The following CMSS1 variants were observed in gnomAD, a reference collection of about 807,000 sequenced individuals.
The protein encoded by CMSS1 is cms1 ribosomal small subunit homolog, also known as protein CMSS1.
Under a neutral mutation model 43.5 loss-of-function variants are expected in CMSS1, and 33 were observed. The ratio of observed to expected loss-of-function variants is 0.76; its 90% CI spans 0.57 to 1.01. CMSS1 has a LOEUF of 1.01. CMSS1 is among the 50% of genes least tolerant of loss of function. CMSS1 has a pLI of 0.00. For synonymous variants in CMSS1, 115 were observed against 117.2 expected (o/e 0.98, Z 0.12); for missense variants, 313 against 326.4 (o/e 0.96, Z 0.32).
intron 1 of CMSS1, among the ~76,000 whole-genome samples, chr3:99,985,133 T>C (rs914582631): frequency 1.3e-5 from 2 of 152,162 alleles, no homozygotes; most frequent in Non-Finnish European, 2.9e-5. Flanking sequence ...GTTCAAAAGT[T>C]AATTGGAGTA....
chr3:99,858,444 G>A lies in CMSS1; in HGVS notation c.64+40401G>A, dbSNP rs553119241. Among the ~76,000 whole-genome samples the A allele has an allele frequency of 4.5e-4, 69 of 152,100 alleles. 1 individual carries two copies. In the Middle Eastern group the frequency reaches 0.01, roughly 22 times the overall value. On this transcript the variant is annotated intron_variant, in intron 1 of 9. Transcript: ENST00000421999. ...CACACCACTGCACTCCAGCCTGGGC[G>A]ACACAGCAAGACTCTGTCTCAAAAA...
chr3:100,125,045 C>A (rs1408644480), intron 1 of CMSS1, among the ~76,000 whole-genome samples: 2 of 152,134 alleles, frequency 1.3e-5, no homozygotes, highest in African/African-American at 4.8e-5. Flanking sequence ...ATTCCAATAT[C>A]TCCATTCGGC....
intron 1 of CMSS1, among the ~76,000 whole-genome samples, chr3:100,091,306 A>G (rs1038047486): frequency 3.3e-5 from 5 of 152,116 alleles, no homozygotes; most frequent in African/African-American, 1.2e-4. Flanking sequence ...AAAAAAAGAA[A>G]AAAGAAACCC....
chr3:100,166,208 A>G (rs2067064370), intron 4 of CMSS1, 127 bp from the exon 5 acceptor site: 1 of 611,010 alleles, frequency 1.6e-6, no homozygotes, highest in African/African-American at 1.8e-5. Flanking sequence ...ACTTTAAGAT[A>G]TAAAATGGGC....
intron 1 of CMSS1, among the ~76,000 whole-genome samples, chr3:100,064,978 A>T (rs2065639430): frequency 2.0e-5 from 3 of 152,230 alleles, no homozygotes; most frequent in Admixed American, 6.5e-5. Flanking sequence ...ACACACATAC[A>T]CATGTGTGTG....
rs145931865 is a variant in CMSS1 at position 100,002,924 on chromosome 3, T to G, written c.65-144049T>G. 3.0e-3 allele frequency among the ~76,000 whole-genome samples: 459 copies of G among 152,334 alleles called. 2 individuals carry two copies. The highest frequency in any genetic ancestry group is 0.01 in the African/African-American group (424 of 41,576). On this transcript the variant is annotated intron_variant, in intron 1 of 9. Transcript: ENST00000421999. The stretch of plus-strand genomic sequence containing the variant: ...GTGTATGTTCTGAAGCTCTCTCTGC[T>G]GTCTGCAAATCAGACATTCTTGCTG...
At chr3:100,118,212 C>T (rs2066591944) in intron 1 of CMSS1, among the ~76,000 whole-genome samples, 1 of 151,436 alleles carries the variant, frequency 6.6e-6, no homozygotes, top group African/African-American at 2.4e-5. Context: ...CTGAGTTGCA[C>T]ACATGAAAAG....
chr3:100,149,655 C>T (rs1267439877), intron 2 of CMSS1, among the ~76,000 whole-genome samples: 1 of 152,176 alleles, frequency 6.6e-6, no homozygotes, highest in Non-Finnish European at 1.5e-5. Flanking sequence ...GCATGTGCTC[C>T]TCTGCCTCAT....
intron 1 of CMSS1, among the ~76,000 whole-genome samples, chr3:100,001,927 G>A (rs1369715441): frequency 6.6e-6 from 1 of 152,106 alleles, no homozygotes; most frequent in Non-Finnish European, 1.5e-5. Context: ...CGCCTATGAG[G>A]GAAGCACAAT....
intron 1 of CMSS1, among the ~76,000 whole-genome samples, chr3:100,118,435 G>T (rs963067481): frequency 6.6e-6 from 1 of 152,068 alleles, no homozygotes; most frequent in African/African-American, 2.4e-5. Flanking sequence ...CTCCTGATCA[G>T]TCAGCTTTGA....
chr3:99,827,492 A>G (rs1376377397), intron 1 of CMSS1, among the ~76,000 whole-genome samples: 7 of 151,604 alleles, frequency 4.6e-5, no homozygotes, highest in Admixed American at 2.0e-4. Flanking sequence ...GCACCCGGCA[A>G]ATGTAACTTT....
intron 1 of CMSS1, among the ~76,000 whole-genome samples, chr3:100,014,884 TTTCTTTC>T: frequency 8.0e-6 from 1 of 125,640 alleles, no homozygotes; most frequent in African/African-American, 2.8e-5. Context: ...CTTTTTTTTT[TTTCTTTC>T]TTTCTTTTTT....
chr3:100,009,131 A>G (rs532706317), intron 1 of CMSS1, among the ~76,000 whole-genome samples: 1 of 152,202 alleles, frequency 6.6e-6, no homozygotes, highest in Non-Finnish European at 1.5e-5. Flanking sequence ...CCGAATGAGA[A>G]TTCAAATTGA....
At chr3:100,073,778 A>T (rs1387567310) in intron 1 of CMSS1, among the ~76,000 whole-genome samples, 1 of 152,154 alleles carries the variant, frequency 6.6e-6, no homozygotes, top group African/African-American at 2.4e-5. Context: ...CTCCTGTTTG[A>T]TTCCTCTGTG....
At chr3:100,142,312 ATG>A (rs1215672321) in intron 1 of CMSS1, among the ~76,000 whole-genome samples, 2 of 152,168 alleles carry the variant, frequency 1.3e-5, no homozygotes, top group Non-Finnish European at 2.9e-5. Flanking sequence ...TTGAAAAAAA[ATG>A]TGTCTTTACT....
intron 1 of CMSS1, among the ~76,000 whole-genome samples, chr3:99,832,533 C>T (rs1284640853): frequency 8.8e-6 from 1 of 113,640 alleles, no homozygotes; most frequent in Non-Finnish European, 1.8e-5. Context: ...CCCAGCCATT[C>T]CCAAATCTTT....
At chr3:100,031,289 C>G (rs2065017586) in intron 1 of CMSS1, among the ~76,000 whole-genome samples, 1 of 152,046 alleles carries the variant, frequency 6.6e-6, no homozygotes, top group South Asian at 2.1e-4. Context: ...ACAATGGAGG[C>G]CTATCTCCAT....
At chr3:99,957,112 T>G (rs1373660468) in intron 1 of CMSS1, among the ~76,000 whole-genome samples, 4 of 152,226 alleles carry the variant, frequency 2.6e-5, no homozygotes, top group Non-Finnish European at 5.9e-5. Flanking sequence ...GTGTTTATGT[T>G]TGTACATTTA....
intron 1 of CMSS1, among the ~76,000 whole-genome samples, chr3:99,965,195 G>A (rs563461319): frequency 6.6e-6 from 1 of 152,230 alleles, no homozygotes; most frequent in Non-Finnish European, 1.5e-5. Flanking sequence ...TGAGGGATAT[G>A]TGCTTAAATT....
Sources: allele counts gnomAD v4.1 joint callset (sites outside exome capture counted in the v4.1 genomes callset), GRCh38; gene constraint gnomAD v4.1.1; transcripts MANE v1.5; gene names NCBI Gene and HGNC (gene_info 2026-07-23, HGNC 2026-07-21).